Variants in PRKCA observed in about 807,000 individuals in gnomAD.
PRKCA encodes protein kinase C alpha type.
PRKCA carries 27 observed loss-of-function variants against 87.0 expected under a neutral mutation model. The ratio of observed to expected loss-of-function variants is 0.31; its 90% confidence interval spans 0.23 to 0.43. PRKCA has a LOEUF of 0.43. PRKCA is among the 20% of genes least tolerant of loss of function. PRKCA has a pLI of 1.00. For missense variants in PRKCA, 518 were observed against 852.3 expected (o/e 0.61, Z 4.88); for synonymous variants, 329 against 311.1 (o/e 1.06, Z -0.61).
intron 3 of PRKCA, among the ~76,000 whole-genome samples, chr17:66,526,778 G>A (rs1332730499): frequency 6.6e-6 from 1 of 152,194 alleles, no homozygotes; most frequent in Non-Finnish European, 1.5e-5. Context: ...TTTGGAGCCA[G>A]TAATGATATT....
intron 5 of PRKCA, among the ~76,000 whole-genome samples, chr17:66,684,651 G>T (rs1038132188): frequency 4.6e-5 from 7 of 152,156 alleles, no homozygotes; most frequent in Admixed American, 1.3e-4. Context: ...TCACCATTCC[G>T]AAGAGATCTT....
chr17:66,627,722 TGTGA>T (rs1286342179), intron 3 of PRKCA, among the ~76,000 whole-genome samples: 2 of 152,222 alleles, frequency 1.3e-5, no homozygotes, highest in African/African-American at 4.8e-5. Flanking sequence ...CGTGTGAGTG[TGTGA>T]GTGTTTCTTC....
intron 3 of PRKCA, among the ~76,000 whole-genome samples, chr17:66,567,044 C>G (rs1010428327): frequency 6.6e-6 from 1 of 152,106 alleles, no homozygotes; most frequent in African/African-American, 2.4e-5. Context: ...TGTACATTTT[C>G]CACTGCAAGT....
At chr17:66,320,482 A>G (rs1905591814) in intron 2 of PRKCA, among the ~76,000 whole-genome samples, 1 of 152,154 alleles carries the variant, frequency 6.6e-6, no homozygotes, top group South Asian at 2.1e-4. Context: ...AGAGTCAAAT[A>G]TGCATCTAAA....
intron 2 of PRKCA, among the ~76,000 whole-genome samples, chr17:66,349,044 A>G (rs1459317686): frequency 6.6e-6 from 1 of 152,180 alleles, no homozygotes; most frequent in South Asian, 2.1e-4. Flanking sequence ...TTCTCTTACG[A>G]AGTGTTCAAA....
intron 14 of PRKCA, among the ~76,000 whole-genome samples, chr17:66,776,697 G>C (rs183834905): frequency 3.1e-4 from 47 of 152,298 alleles, no homozygotes; most frequent in Admixed American, 2.8e-3. Context: ...AGAGGGCCAA[G>C]CCGGCGACTT....
chr17:66,331,972 T>C (rs577805815), intron 2 of PRKCA, among the ~76,000 whole-genome samples: 1 of 152,320 alleles, frequency 6.6e-6, no homozygotes, highest in South Asian at 2.1e-4. Flanking sequence ...CCACTTTTTT[T>C]TACAGTTTAT....
intron 3 of PRKCA, among the ~76,000 whole-genome samples, chr17:66,615,606 G>A (rs1171790851): frequency 2.0e-5 from 3 of 152,150 alleles, no homozygotes; most frequent in Non-Finnish European, 4.4e-5. Context: ...TGCCACTGTA[G>A]CATTGGTCCT....
chr17:66,461,226 AAAG>A (rs1313518632), intron 2 of PRKCA, among the ~76,000 whole-genome samples: 3 of 151,650 alleles, frequency 2.0e-5, no homozygotes, highest in Admixed American at 2.0e-4. Context: ...AAAAAAAAGA[AAAG>A]AAAATCACAT....
chr17:66,619,376 G>A (rs886532988), intron 3 of PRKCA, among the ~76,000 whole-genome samples: 3 of 152,188 alleles, frequency 2.0e-5, no homozygotes, highest in Non-Finnish European at 2.9e-5. Flanking sequence ...AGCCAAATGC[G>A]TAGATGATGA....
intron 2 of PRKCA, among the ~76,000 whole-genome samples, chr17:66,365,465 G>A (rs1908655798): frequency 6.6e-6 from 1 of 152,158 alleles, no homozygotes; most frequent in Non-Finnish European, 1.5e-5. Flanking sequence ...AGAGGAAACT[G>A]CCTGAGATAT....
Position 66,624,098 on chromosome 17 carries a change from A to G in PRKCA, c.289-17257A>G, listed in dbSNP as rs79591967. On this transcript the variant is annotated intron_variant, in intron 3 of 16. Transcript: ENST00000413366. ...CATTGGGTCAAATGGTAGCCGGACT[A>G]AGTAGGCACTGGGGAGTGACTAGAG... Among the ~76,000 whole-genome samples the G allele has an allele frequency of 4.5e-3, 692 of 152,210 alleles. 6 individuals carry two copies. Among genetic ancestry groups the G allele is most frequent in the African/African-American group, 0.015 (639 of 41,528 alleles).
chr17:66,671,808 C>T (rs77112102), intron 5 of PRKCA, among the ~76,000 whole-genome samples: 8,026 of 152,270 alleles, frequency 0.053, 286 homozygotes, highest in Admixed American at 0.078. Flanking sequence ...AAAGTCTAAG[C>T]TTGTTGCACA....
chr17:66,658,104 A>C (rs551378813), intron 5 of PRKCA, among the ~76,000 whole-genome samples: 6 of 152,168 alleles, frequency 3.9e-5, no homozygotes, highest in South Asian at 4.1e-4. Flanking sequence ...GCAGAAGAAG[A>C]AGCAAACACA....
At chr17:66,567,337 G>T (rs1478758506) in intron 3 of PRKCA, among the ~76,000 whole-genome samples, 1 of 152,218 alleles carries the variant, frequency 6.6e-6, no homozygotes, top group Non-Finnish European at 1.5e-5. Flanking sequence ...ATTCCAGAGC[G>T]TGGCTTTGTA....
intron 8 of PRKCA, among the ~76,000 whole-genome samples, chr17:66,710,999 C>T (rs1973312502): frequency 6.6e-6 from 1 of 151,928 alleles, no homozygotes; most frequent in Non-Finnish European, 1.5e-5. Flanking sequence ...GCCGAGATCG[C>T]ACCATTGCAC....
At chr17:66,441,322 C>T (rs980666738) in intron 2 of PRKCA, among the ~76,000 whole-genome samples, 9 of 150,968 alleles carry the variant, frequency 6.0e-5, no homozygotes, top group Non-Finnish European at 7.4e-5. Context: ...CCAGCTTGGA[C>T]GACAGAACAA....
chr17:66,447,205 CCAT>C (rs779830674), intron 2 of PRKCA, among the ~76,000 whole-genome samples: 7 of 152,134 alleles, frequency 4.6e-5, no homozygotes, highest in Non-Finnish European at 1.0e-4. Context: ...AAGTGTCATA[CCAT>C]TAAGATGTAT....
In PRKCA at chr17:66,586,263, G is replaced by A. The variant is rs1278296025; in HGVS notation, c.289-55092G>A. On this transcript the variant is annotated intron_variant, in intron 3 of 16. Coordinates refer to ENST00000413366, the MANE Select transcript of PRKCA (RefSeq NM_002737.3). ...CACCCCCAGAAATGTTGTGAAAGTG[G>A]CTGCCTTCTTTCCTTTACCTAACTT... Among the ~76,000 whole-genome samples the A allele has an allele frequency of 4.6e-5, 7 of 152,272 alleles. No homozygotes were observed. In the South Asian group the frequency reaches 8.3e-4, roughly 18 times the overall value.
Sources: gnomAD v4.1 joint callset for allele counts (sites outside exome capture counted in the v4.1 genomes callset) on GRCh38, gnomAD v4.1.1 for gene constraint, MANE v1.5 for transcripts, NCBI Gene and HGNC (gene_info 2026-07-23, HGNC 2026-07-21) for gene names.